The following SEPHS1 variants were observed in gnomAD, a reference collection of about 807,000 sequenced individuals.
SEPHS1 encodes selenophosphate synthetase 1.
In SEPHS1, 7 loss-of-function variants were observed where a neutral mutation model predicts 39.2. The ratio of observed to expected loss-of-function variants is 0.18; its 90% CI spans 0.10 to 0.34. The LOEUF (loss-of-function observed/expected upper bound fraction) is 0.34. Among genes scored for constraint, SEPHS1 ranks in the 10% least tolerant of loss-of-function variants. The pLI is 1.00. For synonymous variants in SEPHS1, 190 were observed against 195.5 expected, an observed-to-expected ratio of 0.97 and a Z score of 0.23; for missense variants, 253 against 514.5, an observed-to-expected ratio of 0.49 and a Z score of 4.92.
chr10:13,331,674 C>T (rs1035864470), intron 5 of SEPHS1, among the ~76,000 whole-genome samples: 3 of 152,224 alleles, frequency 2.0e-5, no homozygotes, highest in Non-Finnish European at 2.9e-5. Flanking sequence ...TGAGCCACCA[C>T]GCCCGGCCAA....
chr10:13,320,184 TA>T (rs1833061829), intron 8 of SEPHS1, among the ~76,000 whole-genome samples: 1 of 151,968 alleles, frequency 6.6e-6, no homozygotes, highest in African/African-American at 2.4e-5. Flanking sequence ...AAATAGGCCA[TA>T]AATTTTTTTT....
At chr10:13,339,603 G>C (rs1372820902) in intron 2 of SEPHS1, among the ~76,000 whole-genome samples, 1 of 151,658 alleles carries the variant, frequency 6.6e-6, no homozygotes, top group Non-Finnish European at 1.5e-5. Flanking sequence ...GTCCTCTTAT[G>C]AGGACAGCTG....
chr10:13,325,955 AAAAAAAAAAT>A (rs1359368666), intron 7 of SEPHS1, among the ~76,000 whole-genome samples: 7 of 115,890 alleles, frequency 6.0e-5, no homozygotes, highest in African/African-American at 2.6e-4. Flanking sequence ...TCAAAAAAAA[AAAAAAAAAAT>A]AATAATAATA....
intron 6 of SEPHS1, 63 bp from the exon 7 acceptor site, chr10:13,328,513 A>G: frequency 8.5e-7 from 1 of 1,175,362 alleles, no homozygotes; most frequent in Non-Finnish European, 1.2e-6. Flanking sequence ...CTTTACTTCT[A>G]GCAACTGAGA....
chr10:13,322,085 G>C (rs1000055556), intron 8 of SEPHS1: 1 of 453,994 alleles, frequency 2.2e-6, no homozygotes, highest in African/African-American at 2.0e-5. Context: ...AAGAAAAATG[G>C]CATTTTAAAG....
chr10:13,347,237 G>C (rs1354366532), intron 1 of SEPHS1: 3 of 152,008 alleles, frequency 2.0e-5, no homozygotes, highest in Non-Finnish European at 4.4e-5. Flanking sequence ...CCGGTCAGCG[G>C]GGTGGGCCCG....
intron 8 of SEPHS1, among the ~76,000 whole-genome samples, chr10:13,320,309 G>A (rs1833068283): frequency 6.6e-6 from 1 of 151,786 alleles, no homozygotes; most frequent in Admixed American, 6.6e-5. Flanking sequence ...AGCCTCCTGA[G>A]TAGCTGGGAC....
chr10:13,325,944 C>T, intron 7 of SEPHS1, among the ~76,000 whole-genome samples: 1 of 17,516 alleles, frequency 5.7e-5, no homozygotes, highest in African/African-American at 4.0e-4. Flanking sequence ...GAGACTCAGT[C>T]TCAAAAAAAA....
intron 1 of SEPHS1, among the ~76,000 whole-genome samples, chr10:13,347,047 G>A (rs767054617): frequency 4.5e-4 from 68 of 152,282 alleles, no homozygotes; most frequent in Admixed American, 1.1e-3. Flanking sequence ...AGTGATTAGG[G>A]AACCAGGGGG....
chr10:13,325,895 C>CAAAAAAAAAAAAAAAAA (rs562038894), intron 7 of SEPHS1, among the ~76,000 whole-genome samples: 1 of 26,448 alleles, frequency 3.8e-5, no homozygotes, highest in Non-Finnish European at 5.8e-5. Flanking sequence ...GACTCCGTCT[C>CAAAAAAAAAAAAAAAAA]AAAAAAAAAA....
chr10:13,324,422 G>T (rs181556624), intron 7 of SEPHS1, among the ~76,000 whole-genome samples: 156 of 152,320 alleles, frequency 1.0e-3, no homozygotes, highest in Admixed American at 2.7e-3. Context: ...TTGTGTGAAT[G>T]TAAGTTTTCA....
In SEPHS1 at chr10:13,319,013, TACAA is replaced by T. The variant is rs911794959; in HGVS notation, c.*125_*128del. ...TTTTATTTTATTAATTGTATCCACT[TACAA>T]ACCGACCTAAGGTCACCCCGATGTG... On this transcript the variant is annotated 3_prime_UTR_variant, in exon 9 of 9. Coordinates refer to ENST00000327347, the MANE Select transcript of SEPHS1 (RefSeq NM_012247.5). 1 of 869,018 alleles carries T rather than the reference TACAA, an allele frequency of 1.2e-6. No homozygotes were observed. Among genetic ancestry groups the T allele is most frequent in the African/African-American group, 1.7e-5 (1 of 58,320 alleles). 53.8% of individuals were successfully genotyped at this position (869,018 alleles called of 1,614,324 possible). A position where few individuals can be genotyped will look rare whatever the true frequency, so the allele number is the denominator to read the frequency against.
In SEPHS1 at chr10:13,318,391, C is replaced by T. The variant is rs1450632952; in HGVS notation, c.*751G>A. 3.3e-5 allele frequency: 5 copies of T among 152,584 alleles called. No homozygotes were observed. Among genetic ancestry groups the T allele is most frequent in the African/African-American group, 7.2e-5 (3 of 41,420 alleles). The allele number at this position is 152,584 out of a possible 1,614,324, so 9.5% of individuals were successfully genotyped here. A position where few individuals can be genotyped will look rare whatever the true frequency, so the allele number is the denominator to read the frequency against. On this transcript the variant is annotated 3_prime_UTR_variant, in exon 9 of 9. Transcript: ENST00000327347. ...TGAGTATTATACATGAACCTCCATT[C>T]GGAAGGCAATTCCTTGTAGCACTAT...
intron 2 of SEPHS1, among the ~76,000 whole-genome samples, chr10:13,343,420 A>G (rs895551071): frequency 1.3e-5 from 2 of 152,092 alleles, no homozygotes; most frequent in Non-Finnish European, 2.9e-5. Context: ...CTTTCCAACA[A>G]AAGCAAGTCT....
chr10:13,328,281 G>A lies in SEPHS1; in HGVS notation c.751+70C>T. The A allele has an allele frequency of 2.8e-6, 3 of 1,071,260 alleles. No individual in the cohort carries two copies. The South Asian group carries it at 4.1e-5, about 14-fold the overall frequency. The allele number at this position is 1,071,260 out of a possible 1,614,324, so 66.4% of individuals were successfully genotyped here. A position where few individuals can be genotyped will look rare whatever the true frequency, so the allele number is the denominator to read the frequency against. On this transcript the variant is annotated intron_variant, in intron 7 of 8. Transcript: ENST00000327347. ...GGCCACCTACCCTGAGACAGTATGTGGCCAGAAAAGCCTAAGACATTTACT... is the reference window on the plus strand; with the variant it reads ...GGCCACCTACCCTGAGACAGTATGTAGCCAGAAAAGCCTAAGACATTTACT...
chr10:13,338,957 G>GT (rs1833715640), intron 2 of SEPHS1, 149 bp from the exon 3 acceptor site: 1 of 651,524 alleles, frequency 1.5e-6, no homozygotes, highest in African/African-American at 1.8e-5. Context: ...ATCAAGAAGC[G>GT]TAACTGAAAT....
chr10:13,342,442 G>T (rs1021421645), intron 2 of SEPHS1, among the ~76,000 whole-genome samples: 2 of 151,788 alleles, frequency 1.3e-5, no homozygotes, highest in African/African-American at 2.4e-5. Context: ...AATTTAGCTG[G>T]GTGTGGTGGC....
intron 3 of SEPHS1, among the ~76,000 whole-genome samples, chr10:13,337,123 C>T (rs1833660016): frequency 6.6e-6 from 1 of 151,900 alleles, no homozygotes; most frequent in South Asian, 2.1e-4. Flanking sequence ...TGCACTCTAG[C>T]CTGGGCAACA....
chr10:13,338,203 G>C (rs1167748233), intron 3 of SEPHS1, among the ~76,000 whole-genome samples: 3 of 152,120 alleles, frequency 2.0e-5, no homozygotes, highest in East Asian at 3.9e-4. Context: ...CAAGTGGCTG[G>C]GTTGAGTGAA....
Sources: gnomAD v4.1 joint callset for allele counts (sites outside exome capture counted in the v4.1 genomes callset) on GRCh38, gnomAD v4.1.1 for gene constraint, MANE v1.5 for transcripts, NCBI Gene and HGNC (gene_info 2026-07-23, HGNC 2026-07-21) for gene names.